Variants in FLRT2 observed in about 807,000 individuals in gnomAD.
FLRT2 encodes the protein fibronectin leucine rich transmembrane protein 2.
Under a neutral mutation model 40.0 loss-of-function variants are expected in FLRT2, and 15 were observed. That is an observed-to-expected ratio of 0.38 (90% confidence interval 0.25 to 0.58). The LOEUF (loss-of-function observed/expected upper bound fraction) is 0.58. Ranked by LOEUF, FLRT2 falls within the 20% of genes least tolerant of loss-of-function variation. The probability of loss-of-function intolerance (pLI) is 0.71; values close to 1 mark genes in which losing one functional copy is unlikely to be tolerated. For missense variants in FLRT2, 726 were observed against 840.0 expected, an observed-to-expected ratio of 0.86 and a Z score of 1.68; for synonymous variants, 380 against 336.8, an observed-to-expected ratio of 1.13 and a Z score of -1.41.
intron 1 of FLRT2, among the ~76,000 whole-genome samples, chr14:85,572,018 G>A (rs1890912214): frequency 6.6e-6 from 1 of 152,158 alleles, no homozygotes; most frequent in South Asian, 2.1e-4. Context: ...ATAGGGGTGA[G>A]ACAAACCATA....
intron 1 of FLRT2, among the ~76,000 whole-genome samples, chr14:85,575,265 A>G (rs12586603): frequency 6.6e-6 from 1 of 151,812 alleles, no homozygotes; most frequent in South Asian, 2.1e-4. Context: ...GGATGGAGTA[A>G]GGGCTTCTGT....
At chr14:85,613,027 G>A (rs1194487620) in intron 1 of FLRT2, among the ~76,000 whole-genome samples, 2 of 152,038 alleles carry the variant, frequency 1.3e-5, no homozygotes, top group East Asian at 1.9e-4. Flanking sequence ...TTTTTCATAA[G>A]CTTTTTTATA....
chr14:85,572,103 A>T (rs1595040683), intron 1 of FLRT2, among the ~76,000 whole-genome samples: 1 of 152,202 alleles, frequency 6.6e-6, no homozygotes, highest in Non-Finnish European at 1.5e-5. Flanking sequence ...CAAACAACAC[A>T]AATCATGTAC....
intron 1 of FLRT2, among the ~76,000 whole-genome samples, chr14:85,598,786 G>C (rs1013400944): frequency 1.3e-5 from 2 of 152,058 alleles, no homozygotes; most frequent in African/African-American, 2.4e-5. Context: ...GTAGGTCTTC[G>C]GAATTCAATT....
Position 85,621,734 on chromosome 14 carries a change from C to G in FLRT2, c.220C>G (p.Gln74Glu), listed in dbSNP as rs1311618129. 1 of 1,614,208 alleles carries G rather than the reference C, an allele frequency of 6.2e-7. No individual in the cohort carries two copies. The highest frequency in any genetic ancestry group is 8.5e-7 in the Non-Finnish European group (1 of 1,180,032). The change falls in exon 2 of 2, where the codon CAA (glutamine) becomes GAA (glutamate). Residue 74 changes from glutamine (Q) to glutamate (E), a missense_variant. Gln to Glu is a conservative substitution (Grantham distance 29). Transcript: ENST00000330753. ...GVTVLYLHNNQINNAGFPAEL... is the reference protein window; with the variant it reads ...GVTVLYLHNNEINNAGFPAEL... ...AACTGTACTCTACCTCCACAACAAC[C>G]AAATTAATAATGCTGGATTTCCTGC...
intron 1 of FLRT2, among the ~76,000 whole-genome samples, chr14:85,574,377 G>A (rs574536033): frequency 9.9e-5 from 15 of 152,042 alleles, no homozygotes; most frequent in East Asian, 5.8e-4. Flanking sequence ...CGCAATATTC[G>A]AATCTTGTTT....
chr14:85,533,388 G>T (rs1888414023), intron 1 of FLRT2, among the ~76,000 whole-genome samples: 1 of 151,988 alleles, frequency 6.6e-6, no homozygotes, highest in African/African-American at 2.4e-5. Context: ...CACGCCGGGC[G>T]GGCGCAGCAC....
At chr14:85,542,652 A>T (rs534846894) in intron 1 of FLRT2, among the ~76,000 whole-genome samples, 1 of 152,310 alleles carries the variant, frequency 6.6e-6, no homozygotes, top group East Asian at 1.9e-4. Context: ...AATGTAAGAG[A>T]GATTAAAATT....
chr14:85,595,478 C>T (rs1029259319), intron 1 of FLRT2, among the ~76,000 whole-genome samples: 1 of 149,222 alleles, frequency 6.7e-6, no homozygotes, highest in African/African-American at 2.5e-5. Context: ...CGACAAGGTG[C>T]TTGGCATTGA....
At chr14:85,535,908 TTTTTTTTTTTTTTGTTG>T (rs1566714063) in intron 1 of FLRT2, among the ~76,000 whole-genome samples, 3 of 80,034 alleles carry the variant, frequency 3.7e-5, no homozygotes, top group African/African-American at 1.7e-4. Context: ...TTTTTTTTTT[TTTTTTTTTTTTTTGTTG>T]TTGTTGTTGT....
chr14:85,609,397 A>T (rs1402420112), intron 1 of FLRT2, among the ~76,000 whole-genome samples: 2 of 152,154 alleles, frequency 1.3e-5, no homozygotes, highest in Non-Finnish European at 2.9e-5. Context: ...TGGTTTTGAG[A>T]TTATTCCCAT....
intron 1 of FLRT2, among the ~76,000 whole-genome samples, chr14:85,603,026 C>T (rs945779924): frequency 6.6e-6 from 1 of 152,112 alleles, no homozygotes; most frequent in Non-Finnish European, 1.5e-5. Flanking sequence ...GCCCTGTTCT[C>T]TTCAAATCTT....
At chr14:85,577,523 T>G (rs1891167944) in intron 1 of FLRT2, among the ~76,000 whole-genome samples, 1 of 152,186 alleles carries the variant, frequency 6.6e-6, no homozygotes. Flanking sequence ...CAGTCTCCTC[T>G]CTTTTAGTCT....
At chr14:85,556,285 T>G (rs1889958635) in intron 1 of FLRT2, among the ~76,000 whole-genome samples, 1 of 152,200 alleles carries the variant, frequency 6.6e-6, no homozygotes, top group Admixed American at 6.5e-5. Flanking sequence ...GTAGGAGATT[T>G]CTTTTAGATT....
chr14:85,639,909 C>G lies in FLRT2; in HGVS notation c.*16412C>G, dbSNP rs900170274. ...TGTCCCCCAGGCCAGAGTGCAGCGG[C>G]GTGATCTCGACTCACTGCAAGCTCC... On this transcript the variant is annotated 3_prime_UTR_variant, in exon 2 of 2. Coordinates refer to ENST00000330753, the MANE Select transcript of FLRT2 (RefSeq NM_013231.6). 27 of 139,824 alleles carry G rather than the reference C, an allele frequency of 1.9e-4. No individual in the cohort carries two copies. Among genetic ancestry groups the G allele is most frequent in the African/African-American group, 7.1e-4 (26 of 36,866 alleles). 8.7% of individuals were successfully genotyped at this position (139,824 alleles called of 1,614,324 possible). A position where few individuals can be genotyped will look rare whatever the true frequency, so the allele number is the denominator to read the frequency against.
At chr14:85,565,838 A>G (rs1333075714) in intron 1 of FLRT2, among the ~76,000 whole-genome samples, 1 of 152,208 alleles carries the variant, frequency 6.6e-6, no homozygotes, top group Non-Finnish European at 1.5e-5. Flanking sequence ...CTGAAATGGA[A>G]TTTATGATAA....
In FLRT2 at chr14:85,621,479, T is replaced by C. The variant is rs758669921; in HGVS notation, c.-36T>C. On this transcript the variant is annotated 5_prime_UTR_variant, in exon 2 of 2. Transcript: ENST00000330753. The stretch of plus-strand genomic sequence containing the variant: ...TTTATTTTTTTTTTCTTTTTCTTTT[T>C]CCCACCACATTGTATTTTATTTCCG... 48 of 1,536,034 alleles carry C rather than the reference T, an allele frequency of 3.1e-5. No individual in the cohort carries two copies. Among genetic ancestry groups the C allele is most frequent in the Non-Finnish European group, 8.8e-6 (10 of 1,141,960 alleles).
intron 1 of FLRT2, among the ~76,000 whole-genome samples, chr14:85,595,408 G>T (rs1442310633): frequency 6.9e-6 from 1 of 145,168 alleles, no homozygotes; most frequent in Non-Finnish European, 1.5e-5. Flanking sequence ...TAGTAATAAT[G>T]ACCTACAAGA....
chr14:85,623,659 TA>T lies in FLRT2; in HGVS notation c.*169del, dbSNP rs879623401. On this transcript the variant is annotated 3_prime_UTR_variant, in exon 2 of 2. Transcript: ENST00000330753. ...ATACGGTGTACTATATAATGGGATT[TA>T]AAAAAAGTGCTATCTTTTCTATTTC... 4 of 520,396 alleles carry T rather than the reference TA, an allele frequency of 7.7e-6. No homozygotes were observed. Among genetic ancestry groups the T allele is most frequent in the African/African-American group, 2.0e-5 (1 of 50,716 alleles). The allele number at this position is 520,396 out of a possible 1,614,324, so 32.2% of individuals were successfully genotyped here.
Sources: gnomAD v4.1 joint callset for allele counts (sites outside exome capture counted in the v4.1 genomes callset) on GRCh38, gnomAD v4.1.1 for gene constraint, MANE v1.5 for transcripts, NCBI Gene and HGNC (gene_info 2026-07-23, HGNC 2026-07-21) for gene names.